Variants in XKR4 observed in about 807,000 individuals in gnomAD.
XKR4 encodes XK-related protein 4.
Under a neutral mutation model 53.9 loss-of-function variants are expected in XKR4, and 12 were observed. The observed-to-expected ratio is 0.22, with a 90% CI of 0.14 to 0.36. XKR4 has a LOEUF of 0.36. Among genes scored for constraint, XKR4 ranks in the 10% least tolerant of loss-of-function variants. The pLI is 1.00. For synonymous variants in XKR4, 354 were observed against 362.4 expected (o/e 0.98, Z 0.26); for missense variants, 799 against 859.5 (o/e 0.93, Z 0.88).
chr8:55,449,102 T>C (rs962084391), intron 2 of XKR4, among the ~76,000 whole-genome samples: 1 of 151,798 alleles, frequency 6.6e-6, no homozygotes, highest in South Asian at 2.1e-4. Context: ...AAAAAACATA[T>C]AAAATTGTCG....
chr8:55,215,733 G>A lies in XKR4; in HGVS notation c.806+112439G>A, dbSNP rs993482755. On this transcript the variant is annotated intron_variant, in intron 1 of 2. Coordinates refer to ENST00000327381, the MANE Select transcript of XKR4 (RefSeq NM_052898.2). ...ATAATTAAACTTTCTCAGAAACTAG[G>A]ACAAGAACATATTTCTTTAAACTGA... is the stretch of plus-strand genomic sequence containing the variant. Among the ~76,000 whole-genome samples, 6 of 152,036 alleles carry A rather than the reference G, an allele frequency of 3.9e-5. No individual in the cohort carries two copies. The East Asian group carries it at 1.2e-3, about 29-fold the overall frequency.
At chr8:55,425,319 C>T (rs1269413156) in intron 2 of XKR4, among the ~76,000 whole-genome samples, 2 of 152,172 alleles carry the variant, frequency 1.3e-5, no homozygotes, top group Admixed American at 6.5e-5. Flanking sequence ...TTTGAATGCT[C>T]ACCTGGAGGT....
Position 55,538,211 on chromosome 8 carries a change from C to T in XKR4, c.*13984C>T, listed in dbSNP as rs1304513895. 1.3e-5 allele frequency: 2 copies of T among 152,222 alleles called. No homozygotes were observed. Among genetic ancestry groups the T allele is most frequent in the South Asian group, 2.1e-4 (1 of 4,826 alleles). 9.4% of individuals were successfully genotyped at this position (152,222 alleles called of 1,614,324 possible). A position where few individuals can be genotyped will look rare whatever the true frequency, so the allele number is the denominator to read the frequency against. On this transcript the variant is annotated 3_prime_UTR_variant, in exon 3 of 3. Transcript: ENST00000327381. ...AATCTCTGCACAACTGAGCCCTAATCCCTGGTCCATCTCTCCAGCCTCAGA... is the reference window on the plus strand; with the variant it reads ...AATCTCTGCACAACTGAGCCCTAATTCCTGGTCCATCTCTCCAGCCTCAGA...
intron 1 of XKR4, among the ~76,000 whole-genome samples, chr8:55,167,325 T>G (rs1199246043): frequency 6.6e-6 from 1 of 152,226 alleles, no homozygotes; most frequent in African/African-American, 2.4e-5. Flanking sequence ...CTGGCCTCCT[T>G]GCAGTGAGTC....
At chr8:55,157,975 C>T (rs1816932423) in intron 1 of XKR4, among the ~76,000 whole-genome samples, 2 of 152,168 alleles carry the variant, frequency 1.3e-5, no homozygotes. Context: ...ATGCAATGAA[C>T]ATACGTGTGC....
intron 2 of XKR4, among the ~76,000 whole-genome samples, chr8:55,419,012 C>T (rs1378615163): frequency 6.6e-6 from 1 of 152,110 alleles, no homozygotes; most frequent in South Asian, 2.1e-4. Context: ...AGCGCTTTCT[C>T]CTGCTGCAGT....
chr8:55,380,098 G>T (rs1350182104), intron 2 of XKR4, among the ~76,000 whole-genome samples: 1 of 152,302 alleles, frequency 6.6e-6, no homozygotes, highest in African/African-American at 2.4e-5. Flanking sequence ...AAGGGAAATT[G>T]CCTGTCCCTG....
rs957027231 is a variant in XKR4 at position 55,402,423 on chromosome 8, A to G, written c.1006+44546A>G. ...GATTGAGGTTTCCTTCAAGGACAAG[A>G]TACCTTCTCACTGGCCAATGTGGGA... On this transcript the variant is annotated intron_variant, in intron 2 of 2. Transcript: ENST00000327381. Among the ~76,000 whole-genome samples the G allele has an allele frequency of 9.2e-5, 14 of 152,190 alleles. 1 individual carries two copies. The highest frequency in any genetic ancestry group is 2.9e-4 in the African/African-American group (12 of 41,438).
Position 55,473,425 on chromosome 8 carries a change from A to G in XKR4, c.1007-49856A>G, listed in dbSNP as rs372872832. Among the ~76,000 whole-genome samples, 482 of 152,266 alleles carry G rather than the reference A, an allele frequency of 3.2e-3. 2 individuals are homozygous for G. The highest frequency in any genetic ancestry group is 0.011 in the African/African-American group (451 of 41,508). Reference sequence around the variant, plus strand: ...TTTTTCCATGAAGGATTTCAGGTACAGGGCATCTGAAAAATAATAAGTAGA... The same window carrying G: ...TTTTTCCATGAAGGATTTCAGGTACGGGGCATCTGAAAAATAATAAGTAGA... On this transcript the variant is annotated intron_variant, in intron 2 of 2. Coordinates refer to ENST00000327381, the MANE Select transcript of XKR4 (RefSeq NM_052898.2).
chr8:55,381,462 G>A (rs541235837), intron 2 of XKR4, among the ~76,000 whole-genome samples: 6 of 152,246 alleles, frequency 3.9e-5, no homozygotes, highest in African/African-American at 1.4e-4. Context: ...GCTCAGCCAG[G>A]GCCAAAGGCC....
intron 1 of XKR4, among the ~76,000 whole-genome samples, chr8:55,203,646 C>T (rs1817605310): frequency 6.6e-6 from 1 of 152,144 alleles, no homozygotes; most frequent in Non-Finnish European, 1.5e-5. Flanking sequence ...CCTGGGGAAC[C>T]TGACTCAGCA....
chr8:55,509,800 T>C (rs1002964104), intron 2 of XKR4, among the ~76,000 whole-genome samples: 1 of 152,202 alleles, frequency 6.6e-6, no homozygotes, highest in Admixed American at 6.5e-5. Flanking sequence ...GGATCCTTAA[T>C]AGGTCTGATC....
At chr8:55,157,163 AT>A (rs1208958152) in intron 1 of XKR4, among the ~76,000 whole-genome samples, 1 of 152,194 alleles carries the variant, frequency 6.6e-6, no homozygotes, top group South Asian at 2.1e-4. Context: ...AACCTTTATG[AT>A]TTTTAAAAAT....
intron 2 of XKR4, among the ~76,000 whole-genome samples, chr8:55,358,533 T>C (rs922424570): frequency 6.6e-6 from 1 of 152,200 alleles, no homozygotes; most frequent in Non-Finnish European, 1.5e-5. Context: ...ACTATTCCAG[T>C]TACAGCAGAG....
intron 1 of XKR4, among the ~76,000 whole-genome samples, chr8:55,287,215 C>T (rs1818919956): frequency 1.3e-5 from 2 of 150,956 alleles, no homozygotes; most frequent in Admixed American, 6.6e-5. Context: ...TTTCAACCAC[C>T]GACAAATCAA....
chr8:55,449,623 C>T, intron 2 of XKR4: 1 of 1,046,110 alleles, frequency 9.6e-7, no homozygotes, highest in Non-Finnish European at 1.5e-6. Flanking sequence ...AGAAGGCCTT[C>T]TCATCCACGC....
chr8:55,359,971 G>A (rs546064600), intron 2 of XKR4, among the ~76,000 whole-genome samples: 32 of 152,258 alleles, frequency 2.1e-4, no homozygotes, highest in African/African-American at 6.7e-4. Flanking sequence ...TACCACAGGC[G>A]TTGAATGCCA....
intron 2 of XKR4, among the ~76,000 whole-genome samples, chr8:55,509,807 G>C (rs1451277342): frequency 6.6e-6 from 1 of 152,174 alleles, no homozygotes. Context: ...TAATAGGTCT[G>C]ATCATCTGTT....
At chr8:55,190,932 A>G (rs1030741624) in intron 1 of XKR4, among the ~76,000 whole-genome samples, 3 of 152,186 alleles carry the variant, frequency 2.0e-5, no homozygotes, top group African/African-American at 7.2e-5. Flanking sequence ...ACTTCGTCTT[A>G]TGTGGACTAG....
Sources: allele counts gnomAD v4.1 joint callset (sites outside exome capture counted in the v4.1 genomes callset), GRCh38; gene constraint gnomAD v4.1.1; transcripts MANE v1.5; gene names NCBI Gene and HGNC (gene_info 2026-07-23, HGNC 2026-07-21).